Variants in VKORC1L1 observed in about 807,000 individuals in gnomAD.
VKORC1L1 encodes vitamin K epoxide reductase complex subunit 1L1, also known as vitamin K epoxide reductase complex subunit 1-like protein 1.
A neutral mutation model predicts 18.9 loss-of-function variants in VKORC1L1; 2 were observed. The ratio of observed to expected loss-of-function variants is 0.11; its 90% CI spans 0.04 to 0.33. VKORC1L1 has a LOEUF of 0.33. Among genes scored for constraint, VKORC1L1 ranks in the 10% least tolerant of loss-of-function variants. The pLI is 1.00. For missense variants in VKORC1L1, 123 were observed against 224.1 expected, an observed-to-expected ratio of 0.55 and a Z score of 2.88; for synonymous variants, 96 against 100.0, an observed-to-expected ratio of 0.96 and a Z score of 0.24.
At chr7:65,874,219 T>C (rs1042244022) in intron 1 of VKORC1L1, among the ~76,000 whole-genome samples, 8 of 152,074 alleles carry the variant, frequency 5.3e-5, no homozygotes, top group Admixed American at 1.3e-4. Context: ...ACTTAACATA[T>C]CTGATTTCTT....
At chr7:65,927,953 A>G (rs1431714294) in intron 1 of VKORC1L1, among the ~76,000 whole-genome samples, 1 of 152,096 alleles carries the variant, frequency 6.6e-6, no homozygotes, top group Admixed American at 6.6e-5. Flanking sequence ...GGGAGGCAGG[A>G]AGGAGGAGGG....
chr7:65,954,048 C>A, intron 2 of VKORC1L1, 26 bp from the exon 3 acceptor site: 4 of 1,569,712 alleles, frequency 2.5e-6, no homozygotes, highest in Admixed American at 1.8e-5. Flanking sequence ...CAAGGCCTGA[C>A]TGAGCCTGCG....
chr7:65,889,257 C>G (rs540120140), intron 1 of VKORC1L1, among the ~76,000 whole-genome samples: 96 of 152,326 alleles, frequency 6.3e-4, no homozygotes, highest in African/African-American at 2.2e-3. Flanking sequence ...ACCCCAACCT[C>G]TGCTGTTGAG....
intron 1 of VKORC1L1, among the ~76,000 whole-genome samples, chr7:65,939,301 C>A (rs1203566593): frequency 1.3e-5 from 2 of 152,128 alleles, no homozygotes; most frequent in Non-Finnish European, 2.9e-5. Context: ...GGTGGCTCAT[C>A]CAGCCAAAGA....
intron 1 of VKORC1L1, among the ~76,000 whole-genome samples, chr7:65,900,234 A>G (rs970050871): frequency 6.8e-6 from 1 of 145,986 alleles, no homozygotes; most frequent in Non-Finnish European, 1.5e-5. Context: ...CTAAAAATAC[A>G]AAAAAATTAG....
chr7:65,896,955 C>T (rs1323896990), intron 1 of VKORC1L1, among the ~76,000 whole-genome samples: 1 of 152,132 alleles, frequency 6.6e-6, no homozygotes, highest in Admixed American at 6.5e-5. Flanking sequence ...GCCGAGATCG[C>T]ACCATTGCAC....
chr7:65,913,979 T>G (rs1789545280), intron 1 of VKORC1L1, among the ~76,000 whole-genome samples: 1 of 152,056 alleles, frequency 6.6e-6, no homozygotes, highest in South Asian at 2.1e-4. Flanking sequence ...AAGTGGGAAT[T>G]GGAATGGCCT....
upstream of VKORC1L1, among the ~76,000 whole-genome samples, chr7:65,872,438 G>A (rs759405832): frequency 4.6e-5 from 7 of 151,560 alleles, no homozygotes; most frequent in Non-Finnish European, 1.0e-4. Flanking sequence ...TCAGTCTCCC[G>A]AGTAGCTGGG....
In VKORC1L1 at chr7:65,873,383, C is replaced by T. The variant is rs552596206; in HGVS notation, c.12C>T (p.Pro4=). Reference sequence around the variant, plus strand: ...GCGGCGGCGGGAAGATGGCGGCTCCCGTCCTGCTAAGAGTGTCGGTGCCGC... The same window carrying T: ...GCGGCGGCGGGAAGATGGCGGCTCCTGTCCTGCTAAGAGTGTCGGTGCCGC... MAA[P]VLLRVSVPRW... Residue 4 remains proline (P), a synonymous_variant, in exon 1 of 3, where the codon CCC becomes CCT. Coordinates refer to ENST00000360768, the MANE Select transcript of VKORC1L1 (RefSeq NM_173517.6). 9.8e-6 allele frequency: 15 copies of T among 1,525,064 alleles called. No individual in the cohort carries two copies. In the African/African-American group the frequency reaches 1.2e-4, roughly 12 times the overall value. The allele number at this position is 1,525,064 out of a possible 1,614,324, so 94.5% of individuals were successfully genotyped here. A position where few individuals can be genotyped will look rare whatever the true frequency, so the allele number is the denominator to read the frequency against.
intron 1 of VKORC1L1, among the ~76,000 whole-genome samples, chr7:65,928,171 T>C (rs995831349): frequency 6.6e-6 from 1 of 152,144 alleles, no homozygotes; most frequent in African/African-American, 2.4e-5. Context: ...TTATAGTTTG[T>C]TGAGTTTAGA....
At chr7:65,875,440 C>T (rs1303934290) in intron 1 of VKORC1L1, among the ~76,000 whole-genome samples, 2 of 151,496 alleles carry the variant, frequency 1.3e-5, no homozygotes, top group African/African-American at 4.8e-5. Context: ...TTTTCTGAGA[C>T]GGAGTCTTGC....
chr7:65,949,411 G>A (rs762498608), intron 2 of VKORC1L1, among the ~76,000 whole-genome samples: 58 of 152,122 alleles, frequency 3.8e-4, no homozygotes, highest in Admixed American at 1.2e-3. Flanking sequence ...CCCGGGAGAC[G>A]GAGGTTGTAG....
intron 1 of VKORC1L1, among the ~76,000 whole-genome samples, chr7:65,915,185 G>T (rs1789566850): frequency 6.7e-6 from 1 of 149,192 alleles, no homozygotes; most frequent in Non-Finnish European, 1.5e-5. Context: ...TCCGCCTCCT[G>T]GGTTCACATC....
At position 65,895,453 on chromosome 7, in the gene VKORC1L1, G is replaced by GAAAAAAA. The variant is rs1167891625; in HGVS notation, c.194+21910_194+21916dup. On this transcript the variant is annotated intron_variant, in intron 1 of 2. Transcript: ENST00000360768. ...CCATATAGTGAAATGCCATCTGTGA[G>GAAAAAAA]AAAAAAAAAAAAAAAAAAAAAAAAA... Among the ~76,000 whole-genome samples, 3 of 26,666 alleles carry GAAAAAAA rather than the reference G, an allele frequency of 1.1e-4. 1 individual carries two copies. The highest frequency in any genetic ancestry group is 2.2e-4 in the Non-Finnish European group (3 of 13,880). The allele number at this position is 26,666 out of a possible 152,430, so 17.5% of individuals were successfully genotyped here.
In VKORC1L1 at chr7:65,891,099, A is replaced by ATTT. The variant is rs35196492; in HGVS notation, c.194+17550_194+17552dup. ...TGTCTGGCTTCTTTTGCCCAGCATA[A>ATTT]TTTTTTTTTTTTTTTTTTGCAATTT... On this transcript the variant is annotated intron_variant, in intron 1 of 2. Transcript: ENST00000360768. 1.9e-3 allele frequency among the ~76,000 whole-genome samples: 242 copies of ATTT among 128,296 alleles called. 2 individuals carry two copies. The highest frequency in any genetic ancestry group is 4.7e-3 in the East Asian group (21 of 4,512). 84.2% of individuals were successfully genotyped at this position (128,296 alleles called of 152,430 possible).
intron 1 of VKORC1L1, among the ~76,000 whole-genome samples, chr7:65,925,897 G>A (rs543544370): frequency 1.3e-5 from 2 of 152,118 alleles, no homozygotes; most frequent in East Asian, 1.9e-4. Context: ...GCAGCCAAGC[G>A]TCTTCATTCC....
rs1192237361 is a variant in VKORC1L1 at position 65,918,165 on chromosome 7, TCTA to T, written c.195-30501_195-30499del. Among the ~76,000 whole-genome samples, 3 of 152,216 alleles carry T rather than the reference TCTA, an allele frequency of 2.0e-5. No individual in the cohort carries two copies. In the East Asian group the frequency reaches 5.8e-4, roughly 29 times the overall value. On this transcript the variant is annotated intron_variant, in intron 1 of 2. Coordinates refer to ENST00000360768, the MANE Select transcript of VKORC1L1 (RefSeq NM_173517.6). ...GAGATAACCATTGTGATTCTTTTGT[TCTA>T]CTACAGTTTTCCTTGTTCTAGAAGA...
intron 1 of VKORC1L1, among the ~76,000 whole-genome samples, chr7:65,920,302 C>T (rs1318308345): frequency 6.6e-6 from 1 of 152,062 alleles, no homozygotes; most frequent in Admixed American, 6.6e-5. Flanking sequence ...ACAATGTTGT[C>T]TATTTTGTTT....
rs377240061 is a variant in VKORC1L1 at position 65,927,540 on chromosome 7, G to T, written c.195-21131G>T. ...GGAGAACAGCGAAAAGTGAGACTTT[G>T]AATGGCAGCCTTGCAAGATAAGGTG... On this transcript the variant is annotated intron_variant, in intron 1 of 2. Coordinates refer to ENST00000360768, the MANE Select transcript of VKORC1L1 (RefSeq NM_173517.6). 5.9e-5 allele frequency among the ~76,000 whole-genome samples: 9 copies of T among 152,170 alleles called. No individual in the cohort carries two copies. The East Asian group carries it at 1.7e-3, about 29-fold the overall frequency.
Sources: allele counts gnomAD v4.1 joint callset (sites outside exome capture counted in the v4.1 genomes callset), GRCh38; gene constraint gnomAD v4.1.1; transcripts MANE v1.5; gene names NCBI Gene and HGNC (gene_info 2026-07-23, HGNC 2026-07-21).